The following SLC9D1 variants were observed in gnomAD, a reference collection of about 807,000 sequenced individuals.
SLC9D1 encodes the protein putative LAG1-interacting protein.
chr13:113,509,663 G>A, the SLC9D1 span, among the ~76,000 whole-genome samples: 2 of 152,220 alleles, frequency 1.3e-5, no homozygotes, highest in Non-Finnish European at 2.9e-5. Context: ...ATATGAATGA[G>A]CACTTCACGT....
the SLC9D1 span, chr13:113,498,732 C>T: frequency 8.8e-5 from 37 of 422,364 alleles, no homozygotes; most frequent in Non-Finnish European, 1.5e-4. Context: ...CACCGACAGT[C>T]AGTTCCCCTC....
the SLC9D1 span, among the ~76,000 whole-genome samples, chr13:113,544,340 C>G: frequency 2.0e-5 from 3 of 152,294 alleles, no homozygotes. Flanking sequence ...GCTGCTGCGC[C>G]GAAGGATGGC....
chr13:113,496,834 TATGTGC>T, the SLC9D1 span, among the ~76,000 whole-genome samples: 1 of 152,212 alleles, frequency 6.6e-6, no homozygotes, highest in Non-Finnish European at 1.5e-5. Flanking sequence ...GCCTGTGTGA[TATGTGC>T]ATGAGCTACT....
chr13:113,492,833 G>C, the SLC9D1 span, among the ~76,000 whole-genome samples: 2 of 152,110 alleles, frequency 1.3e-5, no homozygotes, highest in Non-Finnish European at 2.9e-5. Flanking sequence ...GGGAGGCAAA[G>C]GTTGCAGTGA....
At chr13:113,515,073 C>A in the SLC9D1 span, among the ~76,000 whole-genome samples, 26 of 152,318 alleles carry the variant, frequency 1.7e-4, no homozygotes, top group Admixed American at 2.0e-4. Flanking sequence ...GTTGCAAGAT[C>A]TAAGCATTCT....
chr13:113,548,535 C>T, the SLC9D1 span: 35 of 1,473,688 alleles, frequency 2.4e-5, no homozygotes, highest in Middle Eastern at 2.5e-4. Context: ...GAAGGCGGCT[C>T]GGCAGCACAG....
chr13:113,531,659 C>T, the SLC9D1 span, among the ~76,000 whole-genome samples: 5 of 151,976 alleles, frequency 3.3e-5, no homozygotes, highest in Non-Finnish European at 5.9e-5. Flanking sequence ...GAGCAGCACG[C>T]GTGTGGACCT....
At chr13:113,500,070 T>C in the SLC9D1 span, 3 of 1,598,640 alleles carry the variant, frequency 1.9e-6, no homozygotes, top group Admixed American at 1.7e-5. Flanking sequence ...AGCATGCTGA[T>C]TGACTCCCAG....
At chr13:113,495,673 G>GTGTGATCAAA in the SLC9D1 span, 1 of 1,609,424 alleles carries the variant, frequency 6.2e-7, no homozygotes, top group Non-Finnish European at 8.5e-7. Flanking sequence ...GTGGCGCAGC[G>GTGTGATCAAA]TGTGATCAAA....
At chr13:113,495,638 G>A in the SLC9D1 span, 42 of 1,587,446 alleles carry the variant, frequency 2.6e-5, no homozygotes, top group East Asian at 3.4e-4. Context: ...TTCCCTGGGC[G>A]GTGCAGGCTG....
At chr13:113,515,935 G>A in the SLC9D1 span, among the ~76,000 whole-genome samples, 13 of 150,472 alleles carry the variant, frequency 8.6e-5, no homozygotes, top group Non-Finnish European at 1.8e-4. Flanking sequence ...TGACTTGTGT[G>A]TGTTTATTTT....
the SLC9D1 span, among the ~76,000 whole-genome samples, chr13:113,509,454 G>A: frequency 6.7e-6 from 1 of 149,498 alleles, no homozygotes; most frequent in African/African-American, 2.5e-5. Flanking sequence ...AGCTGCCTAT[G>A]TTGGGACTGG....
chr13:113,515,905 A>C, the SLC9D1 span, among the ~76,000 whole-genome samples: 151 of 151,906 alleles, frequency 9.9e-4, no homozygotes, highest in African/African-American at 3.3e-3. Context: ...AAAAAAAAAA[A>C]AAAAAAAAAG....
the SLC9D1 span, among the ~76,000 whole-genome samples, chr13:113,521,845 T>C: frequency 1.4e-3 from 219 of 152,300 alleles, no homozygotes; most frequent in African/African-American, 4.9e-3. Context: ...GACTGTAAGC[T>C]TGAGTGTGTT....
the SLC9D1 span, among the ~76,000 whole-genome samples, chr13:113,514,982 C>T: frequency 6.6e-6 from 1 of 152,176 alleles, no homozygotes; most frequent in Non-Finnish European, 1.5e-5. Flanking sequence ...CCTCCCAAAG[C>T]GTTGGGATTG....
At chr13:113,505,409 C>T in the SLC9D1 span, 1 of 152,224 alleles carries the variant, frequency 6.6e-6, no homozygotes, top group Non-Finnish European at 1.5e-5. Context: ...TTCACCTCCT[C>T]ATTGTAAATT....
At chr13:113,522,757 G>A in the SLC9D1 span, among the ~76,000 whole-genome samples, 5 of 152,150 alleles carry the variant, frequency 3.3e-5, no homozygotes, top group South Asian at 2.1e-4. Context: ...CCAGCCTTCC[G>A]AGCAGCTGGG....
the SLC9D1 span, among the ~76,000 whole-genome samples, chr13:113,507,664 C>G: frequency 6.6e-6 from 1 of 152,236 alleles, no homozygotes. Flanking sequence ...TAAACTTGAT[C>G]TCTTAAGAGT....
the SLC9D1 span, among the ~76,000 whole-genome samples, chr13:113,501,218 A>G: frequency 6.6e-6 from 1 of 152,248 alleles, no homozygotes; most frequent in Non-Finnish European, 1.5e-5. Context: ...ACTTTGCTGT[A>G]TAGTCAGCCC....
Sources: allele counts gnomAD v4.1 joint callset (sites outside exome capture counted in the v4.1 genomes callset), GRCh38; gene constraint gnomAD v4.1.1; transcripts MANE v1.5; gene names NCBI Gene and HGNC (gene_info 2026-07-23, HGNC 2026-07-21).